RBM25: variants seen among roughly 807,000 people sequenced by gnomAD.
RBM25 encodes the protein RNA binding motif protein 25, also known as RNA-binding protein 25.
A neutral mutation model predicts 120.7 loss-of-function variants in RBM25; 19 were observed. The ratio of observed to expected loss-of-function variants is 0.16; its 90% CI spans 0.11 to 0.23. The LOEUF is 0.23. Among genes scored for constraint, RBM25 ranks in the 10% least tolerant of loss-of-function variants. RBM25 has a pLI of 1.00. For missense variants in RBM25, 605 were observed against 1,041.5 expected (o/e 0.58, Z 5.77); for synonymous variants, 390 against 326.7 (o/e 1.19, Z -2.09).
At chr14:73,084,346 A>G (rs1284107558) in intron 5 of RBM25, among the ~76,000 whole-genome samples, 1 of 152,116 alleles carries the variant, frequency 6.6e-6, no homozygotes, top group African/African-American at 2.4e-5. Context: ...CAGACTCTTA[A>G]TATTTTAAGT....
chr14:73,106,146 T>C (rs2140458175), intron 11 of RBM25, 50 bp from the exon 12 acceptor site: 1 of 1,580,976 alleles, frequency 6.3e-7, no homozygotes, highest in Non-Finnish European at 8.6e-7. Flanking sequence ...TCAATATTTA[T>C]AGAATGCTAT....
chr14:73,075,792 A>C (rs902499648), intron 2 of RBM25, among the ~76,000 whole-genome samples: 5 of 148,058 alleles, frequency 3.4e-5, no homozygotes, highest in Admixed American at 3.4e-4. Flanking sequence ...GACGTGTTTT[A>C]CCTTTTTTTT....
At chr14:73,090,146 G>A (rs1288802478) in intron 6 of RBM25, among the ~76,000 whole-genome samples, 1 of 151,870 alleles carries the variant, frequency 6.6e-6, no homozygotes, top group Non-Finnish European at 1.5e-5. Context: ...CACCTCCCAG[G>A]TTCAAGCGAT....
intron 1 of RBM25, among the ~76,000 whole-genome samples, chr14:73,070,728 C>T (rs911135400): frequency 7.2e-5 from 11 of 152,018 alleles, no homozygotes; most frequent in Admixed American, 1.3e-4. Flanking sequence ...TCAGGCAGAT[C>T]GTGAGATCAG....
intron 6 of RBM25, chr14:73,088,529 T>G: frequency 7.7e-6 from 3 of 390,920 alleles, no homozygotes; most frequent in South Asian, 3.9e-5. Context: ...CCCTCTCTTT[T>G]AGAAGTACAC....
chr14:73,063,189 G>A (rs566343660), intron 1 of RBM25, among the ~76,000 whole-genome samples: 2 of 150,858 alleles, frequency 1.3e-5, no homozygotes, highest in Non-Finnish European at 3.0e-5. Flanking sequence ...TGGCTCTGTC[G>A]CCCAGGCTGG....
Position 73,100,005 on chromosome 14 carries a change from A to G in RBM25, c.867+255A>G, listed in dbSNP as rs567212118. The G allele has an allele frequency of 3.0e-4, 147 of 491,778 alleles. No individual in the cohort carries two copies. The South Asian group carries it at 3.3e-3, about 11-fold the overall frequency. 30.5% of individuals were successfully genotyped at this position (491,778 alleles called of 1,614,324 possible). ...TTTAATATGAATAGAAGCTAATTTT[A>G]TTTTTAGATTTCAACATAAACATCA... On this transcript the variant is annotated intron_variant, in intron 9 of 18. Transcript: ENST00000261973.
intron 1 of RBM25, chr14:73,068,570 G>A (rs1895199322): frequency 2.2e-5 from 13 of 593,064 alleles, no homozygotes; most frequent in South Asian, 1.8e-4. Flanking sequence ...ATGTGCTTTT[G>A]CCAGTGTACG....
chr14:73,100,623 G>C (rs1896037840), intron 9 of RBM25: 2 of 269,992 alleles, frequency 7.4e-6, no homozygotes, highest in Non-Finnish European at 1.4e-5. Context: ...GGTTCTTACT[G>C]ATAGACTGAG....
At position 73,121,047 on chromosome 14, in the gene RBM25, A is replaced by C. The variant is rs1298938658; in HGVS notation, c.*1242A>C. ...CTTCGTTGTAGATCAGAATTTCACC[A>C]GGGAGTAAAATTACCTGAAAACGTA... On this transcript the variant is annotated 3_prime_UTR_variant, in exon 19 of 19. Transcript: ENST00000261973. The C allele has an allele frequency of 1.3e-5, 2 of 152,252 alleles. No individual in the cohort carries two copies. Among genetic ancestry groups the C allele is most frequent in the Admixed American group, 1.3e-4 (2 of 15,282 alleles). The allele number at this position is 152,252 out of a possible 1,614,324, so 9.4% of individuals were successfully genotyped here.
chr14:73,110,359 G>A (rs1387303591), intron 14 of RBM25, among the ~76,000 whole-genome samples: 1 of 151,788 alleles, frequency 6.6e-6, no homozygotes, highest in Non-Finnish European at 1.5e-5. Context: ...AATACTTTAT[G>A]CTTTTTTGTA....
intron 2 of RBM25, among the ~76,000 whole-genome samples, chr14:73,073,158 G>C (rs564734546): frequency 6.6e-6 from 1 of 152,096 alleles, no homozygotes; most frequent in Non-Finnish European, 1.5e-5. Flanking sequence ...TGAACTTCTG[G>C]GGTCAAGGTA....
intron 13 of RBM25, 190 bp from the exon 14 acceptor site, chr14:73,109,152 A>G: frequency 2.0e-6 from 1 of 488,990 alleles, no homozygotes; most frequent in Non-Finnish European, 3.7e-6. Flanking sequence ...AAATGACAAG[A>G]TAATGCTTGT....
chr14:73,082,254 C>T (rs1191152933), intron 4 of RBM25, among the ~76,000 whole-genome samples: 3 of 152,026 alleles, frequency 2.0e-5, no homozygotes, highest in African/African-American at 4.8e-5. Flanking sequence ...CTCACCTACA[C>T]CCTCCTCCTT....
rs867191336 is a variant in RBM25 at position 73,119,940 on chromosome 14, T to C, written c.*135T>C. Reference sequence around the variant, plus strand: ...TTTGTAGAAAATGTGAATTTTTTGGTCCTCTAATTTGTTGTTGCCCTGTGT... The same window carrying C: ...TTTGTAGAAAATGTGAATTTTTTGGCCCTCTAATTTGTTGTTGCCCTGTGT... On this transcript the variant is annotated 3_prime_UTR_variant, in exon 19 of 19. Coordinates refer to ENST00000261973, the MANE Select transcript of RBM25 (RefSeq NM_021239.3). 15 of 1,341,374 alleles carry C rather than the reference T, an allele frequency of 1.1e-5. No individual in the cohort carries two copies. The Middle Eastern group carries it at 1.1e-3, about 100-fold the overall frequency. The allele number at this position is 1,341,374 out of a possible 1,614,324, so 83.1% of individuals were successfully genotyped here. A position where few individuals can be genotyped will look rare whatever the true frequency, so the allele number is the denominator to read the frequency against.
At position 73,111,579 on chromosome 14, in the gene RBM25, CTGTAGATAG is replaced by C; in HGVS notation, c.2073_2081del (p.Asp692_Val694del). On this transcript the variant is annotated inframe_deletion, in exon 16 of 19. Coordinates refer to ENST00000261973, the MANE Select transcript of RBM25 (RefSeq NM_021239.3). Reference sequence around the variant, plus strand: ...AATTCTGTGAAGAGAAAGAAACTACCTGTAGATAGTGTCTTTAACAAATTTGAGGATGAA... The same window carrying C: ...AATTCTGTGAAGAGAAAGAAACTACCTGTCTTTAACAAATTTGAGGATGAA... The C allele has an allele frequency of 6.2e-7, 1 of 1,613,786 alleles. No individual in the cohort carries two copies. Among genetic ancestry groups the C allele is most frequent in the Non-Finnish European group, 8.5e-7 (1 of 1,179,938 alleles).
At chr14:73,091,534 C>T (rs541244925) in intron 6 of RBM25, among the ~76,000 whole-genome samples, 1 of 152,188 alleles carries the variant, frequency 6.6e-6, no homozygotes, top group East Asian at 1.9e-4. Flanking sequence ...GTATAATCAA[C>T]ATTAGCCAGA....
intron 4 of RBM25, among the ~76,000 whole-genome samples, chr14:73,081,653 T>C (rs1264049957): frequency 6.6e-6 from 1 of 152,218 alleles, no homozygotes; most frequent in Admixed American, 6.5e-5. Flanking sequence ...TATGGGTATG[T>C]GGTTGGTAAC....
rs771787993 is a variant in RBM25, at chr14:73,111,357, G to A, written c.2018-171G>A. ...CAGCTGCCTCGAGTTCTGAGAAGAA[G>A]TGAAAAGTTTAATTTTCTAGCACTT... On this transcript the variant is annotated intron_variant, in intron 15 of 18. Transcript: ENST00000261973. 5.5e-4 allele frequency: 495 copies of A among 894,702 alleles called. 1 individual carries two copies. The highest frequency in any genetic ancestry group is 1.1e-4 in the Non-Finnish European group (67 of 607,724). 55.4% of individuals were successfully genotyped at this position (894,702 alleles called of 1,614,324 possible).
Sources: allele counts gnomAD v4.1 joint callset (sites outside exome capture counted in the v4.1 genomes callset), GRCh38; gene constraint gnomAD v4.1.1; transcripts MANE v1.5; gene names NCBI Gene and HGNC (gene_info 2026-07-23, HGNC 2026-07-21).